The following PRKCA variants were observed in gnomAD, a reference collection of about 807,000 sequenced individuals.
PRKCA encodes the protein protein kinase C alpha type.
In PRKCA, 27 loss-of-function variants were observed where a neutral mutation model predicts 87.0. The ratio of observed to expected loss-of-function variants is 0.31; its 90% CI spans 0.23 to 0.43. PRKCA has a LOEUF of 0.43. Among genes scored for constraint, PRKCA ranks in the 20% least tolerant of loss-of-function variants. The pLI is 1.00. For synonymous variants in PRKCA, 329 were observed against 311.1 expected, an observed-to-expected ratio of 1.06 and a Z score of -0.61; for missense variants, 518 against 852.3, an observed-to-expected ratio of 0.61 and a Z score of 4.88.
intron 2 of PRKCA, among the ~76,000 whole-genome samples, chr17:66,384,703 A>G (rs557559680): frequency 6.6e-6 from 1 of 151,678 alleles, no homozygotes; most frequent in East Asian, 2.0e-4. Flanking sequence ...ATCTCGGCTC[A>G]CTGCAAGCTC....
intron 2 of PRKCA, among the ~76,000 whole-genome samples, chr17:66,316,398 A>G (rs1046821685): frequency 4.6e-5 from 7 of 152,340 alleles, no homozygotes; most frequent in Admixed American, 3.9e-4. Flanking sequence ...TGAAGCTTGG[A>G]AAATAACTTC....
At chr17:66,659,474 G>A (rs562006786) in intron 5 of PRKCA, among the ~76,000 whole-genome samples, 4 of 152,254 alleles carry the variant, frequency 2.6e-5, no homozygotes, top group Admixed American at 2.6e-4. Context: ...CCAGTACTTT[G>A]AGAGGCGGAA....
At chr17:66,631,294 T>G (rs1007608485) in intron 3 of PRKCA, among the ~76,000 whole-genome samples, 1 of 152,106 alleles carries the variant, frequency 6.6e-6, no homozygotes, top group Non-Finnish European at 1.5e-5. Context: ...CGGTAAATAA[T>G]TTTTTTTAGG....
At chr17:66,371,169 T>C (rs186193004) in intron 2 of PRKCA, among the ~76,000 whole-genome samples, 23 of 152,342 alleles carry the variant, frequency 1.5e-4, no homozygotes, top group African/African-American at 3.6e-4. Context: ...TTTAAACCAA[T>C]GAAGAGTTAA....
intron 2 of PRKCA, among the ~76,000 whole-genome samples, chr17:66,353,291 C>T (rs1002492688): frequency 3.3e-5 from 5 of 152,144 alleles, no homozygotes; most frequent in African/African-American, 1.2e-4. Flanking sequence ...TTTAATTTTT[C>T]TGATTGCTTT....
At chr17:66,569,333 C>T (rs995268860) in intron 3 of PRKCA, among the ~76,000 whole-genome samples, 4 of 150,360 alleles carry the variant, frequency 2.7e-5, no homozygotes, top group Admixed American at 6.6e-5. Context: ...CTTTGGAGGC[C>T]GAGGCAGGCG....
chr17:66,693,873 T>A (rs960604067), intron 8 of PRKCA, among the ~76,000 whole-genome samples: 1 of 152,206 alleles, frequency 6.6e-6, no homozygotes, highest in African/African-American at 2.4e-5. Context: ...CAGACCAGAA[T>A]TGGCCCAAGG....
chr17:66,369,854 T>C (rs1908989729), intron 2 of PRKCA, among the ~76,000 whole-genome samples: 1 of 152,204 alleles, frequency 6.6e-6, no homozygotes, highest in Non-Finnish European at 1.5e-5. Context: ...TCCCTCCACA[T>C]GCAGAATGGA....
At chr17:66,340,848 G>C (rs945442035) in intron 2 of PRKCA, among the ~76,000 whole-genome samples, 3 of 152,072 alleles carry the variant, frequency 2.0e-5, no homozygotes, top group African/African-American at 7.2e-5. Flanking sequence ...GAGAAGGTAG[G>C]GTAGCCAGTT....
chr17:66,622,051 A>AACC (rs1422619230), intron 3 of PRKCA, among the ~76,000 whole-genome samples: 1 of 151,296 alleles, frequency 6.6e-6, no homozygotes, highest in Non-Finnish European at 1.5e-5. Flanking sequence ...AAACAACAAC[A>AACC]ACAAACAGCT....
intron 2 of PRKCA, among the ~76,000 whole-genome samples, chr17:66,462,715 C>T (rs1914905933): frequency 6.6e-6 from 1 of 152,102 alleles, no homozygotes; most frequent in African/African-American, 2.4e-5. Flanking sequence ...TACAAAAACA[C>T]GAACACCCCT....
intron 2 of PRKCA, among the ~76,000 whole-genome samples, chr17:66,400,058 A>G (rs902211421): frequency 1.3e-5 from 2 of 152,184 alleles, no homozygotes; most frequent in East Asian, 1.9e-4. Flanking sequence ...GGGATCTTCA[A>G]CATCATTCTA....
intron 8 of PRKCA, among the ~76,000 whole-genome samples, chr17:66,704,410 TCTA>T (rs1973142145): frequency 6.6e-6 from 1 of 152,220 alleles, no homozygotes; most frequent in Non-Finnish European, 1.5e-5. Flanking sequence ...ACATACATAT[TCTA>T]CTAACTCTAT....
intron 5 of PRKCA, among the ~76,000 whole-genome samples, chr17:66,675,691 A>G (rs1972309589): frequency 6.6e-6 from 1 of 152,050 alleles, no homozygotes; most frequent in South Asian, 2.1e-4. Context: ...CTGTTACCCA[A>G]AGTTAAAATC....
At chr17:66,485,159 G>T (rs954940101) in intron 2 of PRKCA, among the ~76,000 whole-genome samples, 2 of 152,130 alleles carry the variant, frequency 1.3e-5, no homozygotes, top group African/African-American at 2.4e-5. Context: ...TAGGGAATTG[G>T]TGTATAGTAA....
intron 3 of PRKCA, among the ~76,000 whole-genome samples, chr17:66,498,692 A>G (rs77215480): frequency 4.3e-4 from 65 of 152,352 alleles, no homozygotes; most frequent in Middle Eastern, 3.4e-3. Context: ...TAAGGGACAT[A>G]CTGCATTTAA....
At chr17:66,641,540 C>A in intron 4 of PRKCA, 74 bp downstream of exon 4, 1 of 1,082,014 alleles carries the variant, frequency 9.2e-7, no homozygotes, top group Non-Finnish European at 1.4e-6. Context: ...GCAAGGAAGG[C>A]TCAGTAACTT....
chr17:66,404,742 CTTTTTT>C (rs773919783), intron 2 of PRKCA, among the ~76,000 whole-genome samples: 9 of 54,230 alleles, frequency 1.7e-4, no homozygotes, highest in East Asian at 9.8e-4. Context: ...GATGGTAGGC[CTTTTTT>C]TTTTTTTTTT....
chr17:66,536,910 A>G (rs1315486913), intron 3 of PRKCA, among the ~76,000 whole-genome samples: 1 of 152,180 alleles, frequency 6.6e-6, no homozygotes, highest in East Asian at 1.9e-4. Flanking sequence ...GAGGTGAACG[A>G]TGGGGGCTTG....
Sources: allele counts gnomAD v4.1 joint callset (sites outside exome capture counted in the v4.1 genomes callset), GRCh38; gene constraint gnomAD v4.1.1; transcripts MANE v1.5; gene names NCBI Gene and HGNC (gene_info 2026-07-23, HGNC 2026-07-21).